Variants in ZNF83 observed in about 807,000 individuals in gnomAD.
ZNF83 encodes the protein zinc finger protein 816B.
For missense variants in ZNF83, 552 were observed against 629.9 expected (o/e 0.88, Z 1.32); for synonymous variants, 209 against 213.0 (o/e 0.98, Z 0.17).
chr19:52,687,590 ATATAT>A (rs1234146379), intron 1 of ZNF83, among the ~76,000 whole-genome samples: 32 of 37,672 alleles, frequency 8.5e-4, no homozygotes, highest in African/African-American at 2.5e-3. Flanking sequence ...ATATATATAT[ATATAT>A]AATGTATATA....
chr19:52,616,350 T>C (rs566303880), intron 2 of ZNF83, among the ~76,000 whole-genome samples: 2 of 152,314 alleles, frequency 1.3e-5, no homozygotes, highest in African/African-American at 2.4e-5. Context: ...GGATGCAGTA[T>C]TGACCCAGCA....
intron 2 of ZNF83, among the ~76,000 whole-genome samples, chr19:52,634,282 C>CAATAAT (rs56152633): frequency 3.4e-5 from 5 of 148,636 alleles, no homozygotes; most frequent in African/African-American, 5.0e-5. Flanking sequence ...AAAGCAACAA[C>CAATAAT]AATAATAATA....
At position 52,686,577 on chromosome 19, in the gene ZNF83, T is replaced by C. The variant is rs185712166; in HGVS notation, c.-283+3866A>G. The stretch of plus-strand genomic sequence containing the variant: ...TACCCCTTTTATTTTTTATTTTTTG[T>C]TTGTTTGTTTTTCTGAGATGGAGAC... On this transcript the variant is annotated intron_variant, in intron 1 of 5. Coordinates refer to the ZNF83 transcript ENST00000594682. 3.1e-3 allele frequency among the ~76,000 whole-genome samples: 463 copies of C among 151,744 alleles called. 2 individuals are homozygous for C. Among genetic ancestry groups the C allele is most frequent in the Middle Eastern group, 0.027 (8 of 292 alleles).
At chr19:52,649,550 A>G (rs1429432685) in intron 3 of ZNF83, among the ~76,000 whole-genome samples, 3 of 152,204 alleles carry the variant, frequency 2.0e-5, no homozygotes, top group Non-Finnish European at 2.9e-5. Context: ...CATGAAAGAT[A>G]TAAGGGAAAT....
chr19:52,682,736 G>A (rs1361268749), intron 1 of ZNF83, among the ~76,000 whole-genome samples: 3 of 152,036 alleles, frequency 2.0e-5, no homozygotes, highest in Non-Finnish European at 4.4e-5. Context: ...TATGTGTGGT[G>A]ACACATGCCT....
chr19:52,630,775 C>T (rs1458084768), intron 2 of ZNF83, among the ~76,000 whole-genome samples: 1 of 152,118 alleles, frequency 6.6e-6, no homozygotes, highest in African/African-American at 2.4e-5. Context: ...CATCCCACAG[C>T]ACGCTTTAAA....
intron 2 of ZNF83, chr19:52,619,144 A>C (rs1054273475): frequency 1.4e-5 from 22 of 1,611,534 alleles, no homozygotes; most frequent in Middle Eastern, 1.6e-4. Flanking sequence ...GGTGACAACA[A>C]GGATTTAATT....
chr19:52,687,575 ATT>A lies in ZNF83; in HGVS notation c.-283+2866_-283+2867del, dbSNP rs1306003711. Among the ~76,000 whole-genome samples, 210 of 30,248 alleles carry A rather than the reference ATT, an allele frequency of 6.9e-3. 17 individuals carry two copies. Among genetic ancestry groups the A allele is most frequent in the African/African-American group, 0.041 (193 of 4,730 alleles). The allele number at this position is 30,248 out of a possible 152,430, so 19.8% of individuals were successfully genotyped here. On this transcript the variant is annotated intron_variant, in intron 1 of 5. Transcript: ENST00000594682. ...ATGTGTAAATTTTATATATATATAAATTTTATATATATATATATATAATGTAT... is the reference window on the plus strand; with the variant it reads ...ATGTGTAAATTTTATATATATATAAATTATATATATATATATATAATGTAT...
At chr19:52,659,798 A>G (rs148608303) in intron 2 of ZNF83, among the ~76,000 whole-genome samples, 7 of 152,322 alleles carry the variant, frequency 4.6e-5, no homozygotes, top group Non-Finnish European at 5.9e-5. Context: ...AAACAACATC[A>G]TAATAAAACT....
At chr19:52,684,722 T>C (rs528772294) in intron 1 of ZNF83, among the ~76,000 whole-genome samples, 8 of 151,880 alleles carry the variant, frequency 5.3e-5, no homozygotes, top group Non-Finnish European at 8.8e-5. Flanking sequence ...AAAGGGACAA[T>C]GCAGTGATCA....
At chr19:52,632,843 C>A (rs996176983) in intron 2 of ZNF83, among the ~76,000 whole-genome samples, 1 of 152,016 alleles carries the variant, frequency 6.6e-6, no homozygotes, top group African/African-American at 2.4e-5. Context: ...TCCAACAGCC[C>A]CACAATATCA....
intron 2 of ZNF83, among the ~76,000 whole-genome samples, chr19:52,630,647 C>G (rs1370628829): frequency 1.3e-5 from 2 of 152,142 alleles, no homozygotes; most frequent in South Asian, 2.1e-4. Flanking sequence ...CCTCTCGTAT[C>G]CCCCCACCTT....
upstream of ZNF83, among the ~76,000 whole-genome samples, chr19:52,642,311 C>CA (rs535171334): frequency 8.2e-5 from 10 of 122,320 alleles, no homozygotes; most frequent in East Asian, 1.8e-3. Flanking sequence ...TGCTCTTGCC[C>CA]AAGCTGGAGT....
chr19:52,684,874 C>G (rs1362916489), intron 1 of ZNF83, among the ~76,000 whole-genome samples: 1 of 152,192 alleles, frequency 6.6e-6, no homozygotes, highest in Non-Finnish European at 1.5e-5. Context: ...GGCAGGGGCC[C>G]TGGACACAGG....
intron 1 of ZNF83, among the ~76,000 whole-genome samples, chr19:52,685,014 C>T (rs1009956667): frequency 6.6e-6 from 1 of 152,170 alleles, no homozygotes; most frequent in African/African-American, 2.4e-5. Flanking sequence ...AGAGAAAGGC[C>T]CCGAAGATGG....
At chr19:52,626,839 C>T (rs1451099478) in intron 2 of ZNF83, among the ~76,000 whole-genome samples, 1 of 152,104 alleles carries the variant, frequency 6.6e-6, no homozygotes, top group East Asian at 1.9e-4. Context: ...ATTTTTGCCA[C>T]CCCAACACTT....
chr19:52,625,944 T>C (rs2060721701), intron 2 of ZNF83, among the ~76,000 whole-genome samples: 2 of 152,204 alleles, frequency 1.3e-5, no homozygotes, highest in Admixed American at 6.5e-5. Context: ...CTTTTCACTT[T>C]GCATTTCCAA....
chr19:52,687,898 C>A (rs557097995), intron 1 of ZNF83, among the ~76,000 whole-genome samples: 1 of 151,472 alleles, frequency 6.6e-6, no homozygotes, highest in Non-Finnish European at 1.5e-5. Flanking sequence ...CACTGCCCCA[C>A]GTCCTACCCC....
At chr19:52,677,681 G>A (rs2147337178) in intron 1 of ZNF83, among the ~76,000 whole-genome samples, 1 of 130,352 alleles carries the variant, frequency 7.7e-6, no homozygotes, top group South Asian at 2.5e-4. Context: ...GTACAGCAAT[G>A]GGGGAGACCA....
Sources: gnomAD v4.1 joint callset for allele counts (sites outside exome capture counted in the v4.1 genomes callset) on GRCh38, gnomAD v4.1.1 for gene constraint, MANE v1.5 for transcripts, NCBI Gene and HGNC (gene_info 2026-07-23, HGNC 2026-07-21) for gene names.